The following INTS2 variants were observed in gnomAD, a reference collection of about 807,000 sequenced individuals.
The protein encoded by INTS2 is integrator complex subunit 2.
A neutral mutation model predicts 139.6 loss-of-function variants in INTS2; 57 were observed. The observed-to-expected ratio is 0.41, with a 90% CI of 0.33 to 0.51. INTS2 has a LOEUF of 0.51. INTS2 is among the 20% of genes least tolerant of loss of function. The pLI is 0.28. For missense variants in INTS2, 1,196 were observed against 1,436.7 expected (o/e 0.83, Z 2.71); for synonymous variants, 473 against 493.4 (o/e 0.96, Z 0.55).
chr17:61,898,596 T>C (rs1464404489), intron 9 of INTS2, among the ~76,000 whole-genome samples: 4 of 151,690 alleles, frequency 2.6e-5, no homozygotes, highest in African/African-American at 9.7e-5. Flanking sequence ...ATGCCTAGCC[T>C]AACAATGACT....
intron 5 of INTS2, among the ~76,000 whole-genome samples, chr17:61,917,266 C>G (rs1489205517): frequency 1.3e-5 from 2 of 152,136 alleles, no homozygotes; most frequent in African/African-American, 4.8e-5. Flanking sequence ...ACCATTCGAC[C>G]CAGCAGTCTC....
In INTS2 at chr17:61,870,111, A is replaced by T. The variant is rs1009438090; in HGVS notation, c.2779-123T>A. 1.1e-5 allele frequency: 10 copies of T among 929,848 alleles called. No homozygotes were observed. The highest frequency in any genetic ancestry group is 1.4e-5 in the Non-Finnish European group (9 of 637,488). The allele number at this position is 929,848 out of a possible 1,614,324, so 57.6% of individuals were successfully genotyped here. Reference sequence around the variant, plus strand: ...TAATTTCTTAAACACACATACACAAAGAGGTACTTCTAAGAGCAGAACTGA... The same window carrying T: ...TAATTTCTTAAACACACATACACAATGAGGTACTTCTAAGAGCAGAACTGA... On this transcript the variant is annotated intron_variant, in intron 20 of 24. Transcript: ENST00000251334. The surrounding 1 kb of genome is among the most constrained non-coding windows in gnomAD (Gnocchi z 4.4).
chr17:61,912,258 A>G (rs551242613), intron 5 of INTS2, among the ~76,000 whole-genome samples, 188 bp from the exon 6 acceptor site: 1 of 151,938 alleles, frequency 6.6e-6, no homozygotes, highest in Non-Finnish European at 1.5e-5. Flanking sequence ...ATTCAAACAC[A>G]CTTGCAATTA....
intron 4 of INTS2, among the ~76,000 whole-genome samples, chr17:61,920,734 C>T (rs200095825): frequency 1.3e-5 from 2 of 151,230 alleles, no homozygotes; most frequent in African/African-American, 2.4e-5. Context: ...ACCCCGGAGG[C>T]GGAGGTTGCA....
At chr17:61,907,169 AACTGCT>A (rs1175690441) in intron 8 of INTS2, among the ~76,000 whole-genome samples, 1 of 152,088 alleles carries the variant, frequency 6.6e-6, no homozygotes, top group Admixed American at 6.6e-5. Flanking sequence ...GAAATTGATA[AACTGCT>A]CTGGCTCCTC....
chr17:61,903,981 G>T (rs1225265746), intron 9 of INTS2, among the ~76,000 whole-genome samples: 1 of 152,044 alleles, frequency 6.6e-6, no homozygotes, highest in Non-Finnish European at 1.5e-5. Flanking sequence ...ACAGCTAAAA[G>T]AATTGAAAGA....
At position 61,876,163 on chromosome 17, in the gene INTS2, G is replaced by A. The variant is rs2079125093; in HGVS notation, c.2457-1125C>T. On this transcript the variant is annotated intron_variant, in intron 18 of 24. Transcript: ENST00000251334. This position sits in a 1 kb window ranked among gnomAD's most constrained non-coding sequence, Gnocchi z 4.1. Reference sequence around the variant, plus strand: ...AGCCTGGGTGACAAAGCAAGACCCTGTATCTAAAAAGTAAAAATAAAAAAT... The same window carrying A: ...AGCCTGGGTGACAAAGCAAGACCCTATATCTAAAAAGTAAAAATAAAAAAT... Among the ~76,000 whole-genome samples the A allele has an allele frequency of 6.6e-6, 1 of 152,100 alleles. No homozygotes were observed. The highest frequency in any genetic ancestry group is 1.5e-5 in the Non-Finnish European group (1 of 68,022).
intron 5 of INTS2, among the ~76,000 whole-genome samples, chr17:61,915,350 AAAT>A (rs2079570170): frequency 7.4e-5 from 11 of 149,240 alleles, no homozygotes; most frequent in African/African-American, 2.5e-5. Flanking sequence ...AAAAATAAAT[AAAT>A]AAATAAATAA....
rs895690237 is a variant in INTS2, at chr17:61,911,991, G to C, written c.729C>G (p.Arg243=). The C allele has an allele frequency of 6.2e-7, 1 of 1,613,800 alleles. No homozygotes were observed. Among genetic ancestry groups the C allele is most frequent in the South Asian group, 1.1e-5 (1 of 91,060 alleles). ...GAGAAGGATTCATTTTACACAAGAA[G>C]CGTAAGGCATCTGTCCTGCGCCTTC... The part of the protein sequence containing the change: ...LGGRRRTDAL[R]FLCKMNPSQA... The change falls in exon 6 of 25, where the codon CGC becomes CGG. Residue 243 remains arginine, a synonymous_variant. Coordinates refer to ENST00000251334, the MANE Select transcript of INTS2 (RefSeq NM_001351695.2).
At chr17:61,890,609 CAA>C (rs11312680) in intron 14 of INTS2, among the ~76,000 whole-genome samples, 57 of 119,582 alleles carry the variant, frequency 4.8e-4, no homozygotes, top group Middle Eastern at 4.5e-3. Flanking sequence ...GACTCTGTCT[CAA>C]AAAAAAAAAA....
At chr17:61,887,070 C>A (rs1413383004) in intron 15 of INTS2, among the ~76,000 whole-genome samples, 1 of 152,174 alleles carries the variant, frequency 6.6e-6, no homozygotes, top group South Asian at 2.1e-4. Flanking sequence ...TATTACAATA[C>A]TTAATACTAA....
At chr17:61,912,953 A>G (rs56110140) in intron 5 of INTS2, among the ~76,000 whole-genome samples, 84,385 of 151,712 alleles carry the variant, frequency 0.56, 24,490 homozygotes, top group East Asian at 0.81. Context: ...ATGCGCACCT[A>G]TAGTCCCAGC....
In INTS2 at chr17:61,869,976, C is replaced by G. The variant is rs563606143; in HGVS notation, c.2791G>C (p.Val931Leu). Reference protein sequence around the residue: ...ALLAAQDSAAVQILLEICLPT... With the variant: ...ALLAAQDSAALQILLEICLPT... ...AGGCAAATCTCTAAGAGAATCTGGA[C>G]AGCTGCACTATCCTATAAGCAAACA... Residue 931 changes from valine (V) to leucine (L), a missense_variant, in exon 21 of 25, where the codon GTC becomes CTC. This residue lies in a region of INTS2 where 1,129 missense variants were observed against 1,341.9 expected (regional missense o/e 0.84). Transcript: ENST00000251334. This position sits in a 1 kb window ranked among gnomAD's most constrained non-coding sequence, Gnocchi z 5.4. 264 of 1,613,270 alleles carry G rather than the reference C, an allele frequency of 1.6e-4. No homozygotes were observed. The South Asian group carries it at 2.2e-3, about 13-fold the overall frequency.
intron 7 of INTS2, 42 bp downstream of exon 7, chr17:61,911,478 A>T: frequency 6.5e-7 from 1 of 1,535,986 alleles, no homozygotes. Context: ...GCAGCTGCTA[A>T]AGTATTCTGA....
rs1353814863 is a variant in INTS2, at chr17:61,878,028, A to C, written c.2315T>G (p.Leu772Arg). The C allele has an allele frequency of 1.9e-6, 3 of 1,612,878 alleles. No individual in the cohort carries two copies. The highest frequency in any genetic ancestry group is 2.5e-6 in the Non-Finnish European group (3 of 1,178,842). The change falls in exon 18 of 25, where the codon CTA becomes CGA. Residue 772 changes from leucine to arginine, a missense_variant. Physicochemically the swap from Leu to Arg is moderately radical, Grantham distance 102. Transcript: ENST00000251334. ...TGGTATAAGTTCACTGGCAGAGAGT[A>C]GAGTCAAGTGTTCTATAATCTGCAT... The part of the protein sequence containing the change: ...QVMQIIEHLT[L>R]LSASELIPYA...
chr17:61,898,931 G>C (rs531196880), intron 9 of INTS2, among the ~76,000 whole-genome samples: 1 of 152,156 alleles, frequency 6.6e-6, no homozygotes, highest in Non-Finnish European at 1.5e-5. Context: ...TAATTGAAAA[G>C]TACAAGCTGA....
chr17:61,890,831 A>T (rs1326707332), intron 14 of INTS2, among the ~76,000 whole-genome samples: 1 of 151,396 alleles, frequency 6.6e-6, no homozygotes, highest in African/African-American at 2.4e-5. Flanking sequence ...TGGGAGGCCA[A>T]GGCAGGAGGA....
chr17:61,919,840 T>C (rs1159258941), intron 4 of INTS2, among the ~76,000 whole-genome samples: 3 of 152,070 alleles, frequency 2.0e-5, no homozygotes, highest in Non-Finnish European at 4.4e-5. Flanking sequence ...GCAATCCTCC[T>C]GCCTCAGCCT....
At position 61,897,900 on chromosome 17, in the gene INTS2, T is replaced by C. The variant is rs1304427715; in HGVS notation, c.1308-161A>G. 2.6e-5 allele frequency among the ~76,000 whole-genome samples: 4 copies of C among 152,222 alleles called. No individual in the cohort carries two copies. Among genetic ancestry groups the C allele is most frequent in the Non-Finnish European group, 4.4e-5 (3 of 68,044 alleles). On this transcript the variant is annotated intron_variant, in intron 9 of 24. Transcript: ENST00000251334. The surrounding 1 kb of genome is among the most constrained non-coding windows in gnomAD (Gnocchi z 4.4). Reference sequence around the variant, plus strand: ...TGCTGAATTGGGCCATTAATTGTCATTGAGGTATGAAGTAATTCTAGAGCT... The same window carrying C: ...TGCTGAATTGGGCCATTAATTGTCACTGAGGTATGAAGTAATTCTAGAGCT...
Sources: allele counts gnomAD v4.1 joint callset (sites outside exome capture counted in the v4.1 genomes callset), GRCh38; gene constraint gnomAD v4.1.1; regional missense constraint gnomAD v4.1.1; non-coding constraint Gnocchi (gnomAD v3.1); transcripts MANE v1.5; gene names NCBI Gene and HGNC (gene_info 2026-07-23, HGNC 2026-07-21).